EFCAB5: variants seen among roughly 807,000 people sequenced by gnomAD.
The protein encoded by EFCAB5 is EF-hand calcium binding domain 5, also known as EF-hand calcium-binding domain-containing protein 5.
EFCAB5 carries 131 observed loss-of-function variants against 167.9 expected under a neutral mutation model. The observed-to-expected ratio is 0.78, with a 90% CI of 0.68 to 0.90. The LOEUF (loss-of-function observed/expected upper bound fraction) is 0.90. Among genes scored for constraint, EFCAB5 ranks in the 40% least tolerant of loss-of-function variants. EFCAB5 has a pLI of 0.00. For synonymous variants in EFCAB5, 574 were observed against 602.8 expected (o/e 0.95, Z 0.70); for missense variants, 1,663 against 1,745.2 (o/e 0.95, Z 0.84).
chr17:30,084,879 T>G (rs113165022), intron 18 of EFCAB5, among the ~76,000 whole-genome samples: 11 of 152,252 alleles, frequency 7.2e-5, no homozygotes, highest in African/African-American at 2.6e-4. Context: ...CTCTGTCAGG[T>G]TGCTGTGGGT....
chr17:29,987,480 C>A (rs941761986), intron 4 of EFCAB5, among the ~76,000 whole-genome samples: 1 of 152,198 alleles, frequency 6.6e-6, no homozygotes, highest in Non-Finnish European at 1.5e-5. Flanking sequence ...CTCCACCAAA[C>A]CAGTTGTTCT....
chr17:29,942,894 TG>T (rs1567668462), intron 2 of EFCAB5, among the ~76,000 whole-genome samples: 1 of 152,000 alleles, frequency 6.6e-6, no homozygotes, highest in Non-Finnish European at 1.5e-5. Context: ...AAAAATTATC[TG>T]GGCTTGGTGG....
chr17:30,069,014 A>T (rs992389922), intron 14 of EFCAB5: 3 of 1,410,456 alleles, frequency 2.1e-6, no homozygotes, highest in Non-Finnish European at 3.0e-6. Flanking sequence ...CAAGTGAAGG[A>T]GCACAGGACT....
chr17:30,013,981 C>T (rs552760549), intron 7 of EFCAB5, among the ~76,000 whole-genome samples: 20 of 152,210 alleles, frequency 1.3e-4, no homozygotes, highest in African/African-American at 4.8e-4. Flanking sequence ...TAAGTGTGTC[C>T]CAGAGATTCT....
intron 9 of EFCAB5, 112 bp downstream of exon 9, chr17:30,051,329 C>T (rs768319522): frequency 1.8e-5 from 15 of 829,698 alleles, no homozygotes; most frequent in Admixed American, 7.6e-5. Flanking sequence ...ACCATGGAAT[C>T]CCTTCACATA....
chr17:30,069,729 T>G, intron 14 of EFCAB5: 2 of 908,860 alleles, frequency 2.2e-6, no homozygotes, highest in African/African-American at 3.3e-5. Flanking sequence ...CCCCCGGTGC[T>G]GGAGCATGGT....
At chr17:30,092,449 G>A (rs918873339) in intron 21 of EFCAB5, among the ~76,000 whole-genome samples, 1 of 151,994 alleles carries the variant, frequency 6.6e-6, no homozygotes, top group Non-Finnish European at 1.5e-5. Flanking sequence ...GTGCGATGGC[G>A]CTATCTCGGC....
chr17:30,080,045 C>T, intron 15 of EFCAB5, 27 bp from the exon 16 acceptor site: 1 of 1,582,258 alleles, frequency 6.3e-7, no homozygotes, highest in East Asian at 2.2e-5. Context: ...TGTTGGCAAA[C>T]ACATGGTCGG....
intron 7 of EFCAB5, among the ~76,000 whole-genome samples, chr17:30,005,904 T>C (rs962091289): frequency 4.6e-5 from 7 of 152,240 alleles, no homozygotes; most frequent in Non-Finnish European, 8.8e-5. Context: ...AACATTCCTT[T>C]CTGCTGACTC....
intron 7 of EFCAB5, among the ~76,000 whole-genome samples, chr17:30,028,736 G>T (rs2069398294): frequency 6.6e-6 from 1 of 152,186 alleles, no homozygotes; most frequent in South Asian, 2.1e-4. Context: ...AACTGTGGAA[G>T]TTAGAAGGCT....
intron 1 of EFCAB5, 28 bp downstream of exon 1, chr17:29,941,866 T>A: frequency 1.9e-6 from 3 of 1,586,186 alleles, no homozygotes; most frequent in Non-Finnish European, 8.6e-7. Context: ...GTTTATCACA[T>A]TTATGGGAAG....
At chr17:30,027,130 G>A (rs1246868506) in intron 7 of EFCAB5, among the ~76,000 whole-genome samples, 1 of 150,588 alleles carries the variant, frequency 6.6e-6, no homozygotes, top group African/African-American at 2.4e-5. Context: ...GGGACTACAG[G>A]CGCTTGCCAC....
Position 29,977,467 on chromosome 17 carries a change from A to G in EFCAB5, c.767+8100A>G, listed in dbSNP as rs139984898. On this transcript the variant is annotated intron_variant, in intron 4 of 22. Coordinates refer to ENST00000394835, the MANE Select transcript of EFCAB5 (RefSeq NM_198529.4). ...TAGTCTTGAACCATAATAACCTAGAATGAGTTCAAATGAACCGGAAAGTAG... is the reference window on the plus strand; with the variant it reads ...TAGTCTTGAACCATAATAACCTAGAGTGAGTTCAAATGAACCGGAAAGTAG... Among the ~76,000 whole-genome samples the G allele has an allele frequency of 3.8e-3, 584 of 152,302 alleles. 4 individuals are homozygous for G. Among genetic ancestry groups the G allele is most frequent in the Non-Finnish European group, 6.6e-3 (448 of 68,004 alleles).
At chr17:30,057,202 ACTGT>A (rs2070295379) in intron 12 of EFCAB5, among the ~76,000 whole-genome samples, 2 of 152,198 alleles carry the variant, frequency 1.3e-5, no homozygotes, top group Non-Finnish European at 2.9e-5. Context: ...GCAGCAGGAT[ACTGT>A]CTGTCTTCCT....
chr17:30,026,929 G>A (rs2069339024), intron 7 of EFCAB5, among the ~76,000 whole-genome samples: 1 of 136,064 alleles, frequency 7.3e-6, no homozygotes, highest in African/African-American at 2.7e-5. Context: ...GACAAAAGGA[G>A]GTCAGAATGA....
intron 7 of EFCAB5, among the ~76,000 whole-genome samples, chr17:30,033,737 G>T (rs1230643896): frequency 6.6e-6 from 1 of 152,116 alleles, no homozygotes; most frequent in Non-Finnish European, 1.5e-5. Context: ...TTTAAAAGAA[G>T]ATCATAGACA....
intron 7 of EFCAB5, chr17:30,031,861 A>G (rs543476563): frequency 6.6e-6 from 1 of 151,902 alleles, no homozygotes; most frequent in Non-Finnish European, 1.5e-5. Context: ...ATCTCTACAC[A>G]CACACATTTT....
chr17:29,961,619 C>G (rs1020110062), intron 3 of EFCAB5, among the ~76,000 whole-genome samples: 2 of 152,082 alleles, frequency 1.3e-5, no homozygotes, highest in African/African-American at 4.8e-5. Flanking sequence ...CACAGTCTCA[C>G]TCTGTTGCCC....
chr17:29,945,643 T>A (rs2067382772), intron 3 of EFCAB5, among the ~76,000 whole-genome samples: 1 of 152,088 alleles, frequency 6.6e-6, no homozygotes, highest in Non-Finnish European at 1.5e-5. Context: ...GGTACTGGTA[T>A]AAAAGTAGAC....
Sources: allele counts gnomAD v4.1 joint callset (sites outside exome capture counted in the v4.1 genomes callset), GRCh38; gene constraint gnomAD v4.1.1; transcripts MANE v1.5; gene names NCBI Gene and HGNC (gene_info 2026-07-23, HGNC 2026-07-21).